Variants in SMOC2 observed in about 807,000 individuals in gnomAD.
SMOC2 encodes SPARC-related modular calcium-binding protein 2.
Under a neutral mutation model 61.4 loss-of-function variants are expected in SMOC2, and 39 were observed. The observed-to-expected ratio is 0.64, with a 90% confidence interval of 0.49 to 0.83. SMOC2 has a LOEUF of 0.83. SMOC2 is among the 40% of genes least tolerant of loss of function. The pLI, the probability that SMOC2 is intolerant of heterozygous loss-of-function variation, is 0.00. For synonymous variants in SMOC2, 247 were observed against 239.9 expected (o/e 1.03, Z -0.27); for missense variants, 556 against 592.9 (o/e 0.94, Z 0.65).
intron 9 of SMOC2, among the ~76,000 whole-genome samples, chr6:168,630,223 G>A (rs942807747): frequency 6.6e-6 from 1 of 152,202 alleles, no homozygotes; most frequent in Non-Finnish European, 1.5e-5. Context: ...AACAACAGAA[G>A]CCTGTCCTGT....
At chr6:168,541,020 C>T (rs747311312) in intron 4 of SMOC2, among the ~76,000 whole-genome samples, 4 of 152,220 alleles carry the variant, frequency 2.6e-5, no homozygotes, top group Non-Finnish European at 5.9e-5. Flanking sequence ...TCTGGTAACA[C>T]GTTGTTAAGG....
At chr6:168,497,466 G>A (rs1460020565) in intron 1 of SMOC2, among the ~76,000 whole-genome samples, 1 of 152,012 alleles carries the variant, frequency 6.6e-6, no homozygotes, top group Non-Finnish European at 1.5e-5. Flanking sequence ...GCATGTGGTG[G>A]TGAATGCGGA....
intron 1 of SMOC2, among the ~76,000 whole-genome samples, chr6:168,455,415 G>A (rs911030464): frequency 3.9e-5 from 6 of 152,218 alleles, no homozygotes; most frequent in Non-Finnish European, 7.3e-5. Flanking sequence ...ACGCTGGCTC[G>A]GCAGCCACCA....
At chr6:168,616,516 G>A (rs1007132214) in intron 9 of SMOC2, among the ~76,000 whole-genome samples, 1 of 152,202 alleles carries the variant, frequency 6.6e-6, no homozygotes, top group African/African-American at 2.4e-5. Context: ...TAGGGCTGGG[G>A]AGTCCCAGAT....
chr6:168,570,293 CAGTG>C (rs1255667131), intron 7 of SMOC2, among the ~76,000 whole-genome samples: 1 of 152,126 alleles, frequency 6.6e-6, no homozygotes, highest in African/African-American at 2.4e-5. Context: ...GCACAGAAGA[CAGTG>C]AGAAGATGTG....
chr6:168,588,031 G>C (rs1785082703), intron 7 of SMOC2, among the ~76,000 whole-genome samples: 1 of 151,584 alleles, frequency 6.6e-6, no homozygotes, highest in Non-Finnish European at 1.5e-5. Flanking sequence ...TGAGGGGTGG[G>C]GGTGATTCAT....
intron 9 of SMOC2, among the ~76,000 whole-genome samples, chr6:168,619,060 A>G (rs1030703893): frequency 2.0e-5 from 3 of 152,266 alleles, no homozygotes; most frequent in African/African-American, 7.2e-5. Flanking sequence ...AATGACCCTC[A>G]GCACGGATCG....
chr6:168,552,268 AAG>A (rs1395139009), intron 7 of SMOC2, among the ~76,000 whole-genome samples: 2 of 152,208 alleles, frequency 1.3e-5, no homozygotes, highest in African/African-American at 4.8e-5. Flanking sequence ...CAAATATCAG[AAG>A]AGTGTCATTT....
At chr6:168,619,716 G>A (rs1238782374) in intron 9 of SMOC2, among the ~76,000 whole-genome samples, 1 of 152,166 alleles carries the variant, frequency 6.6e-6, no homozygotes, top group Non-Finnish European at 1.5e-5. Context: ...AACCACCGTG[G>A]TACTCCTGAA....
chr6:168,624,833 A>T (rs1432028677), intron 9 of SMOC2, among the ~76,000 whole-genome samples: 1 of 142,814 alleles, frequency 7.0e-6, no homozygotes, highest in Non-Finnish European at 1.5e-5. Flanking sequence ...ATACAGAAAC[A>T]CACAGACACA....
chr6:168,650,550 A>C (rs759205890), intron 9 of SMOC2, 131 bp from the exon 10 acceptor site: 1 of 699,322 alleles, frequency 1.4e-6, no homozygotes, highest in Non-Finnish European at 2.4e-6. Flanking sequence ...TTTGTGTTTA[A>C]ACTAGCTCAT....
intron 4 of SMOC2, among the ~76,000 whole-genome samples, chr6:168,534,781 T>G (rs796598659): frequency 7.7e-4 from 118 of 152,292 alleles, no homozygotes; most frequent in African/African-American, 2.8e-3. Context: ...TCACATGAGT[T>G]GAGAACAGTA....
chr6:168,558,777 A>G (rs547950541), intron 7 of SMOC2, among the ~76,000 whole-genome samples: 1 of 150,968 alleles, frequency 6.6e-6, no homozygotes, highest in African/African-American at 2.4e-5. Context: ...GTGTGTGCAC[A>G]TGCGTATGTG....
chr6:168,525,901 A>C (rs913042228), intron 2 of SMOC2, among the ~76,000 whole-genome samples: 1 of 152,058 alleles, frequency 6.6e-6, no homozygotes, highest in African/African-American at 2.4e-5. Flanking sequence ...TAATGGTGGC[A>C]TCTAGCCCTG....
chr6:168,534,667 A>G (rs1379784091), intron 4 of SMOC2, among the ~76,000 whole-genome samples: 1 of 152,256 alleles, frequency 6.6e-6, no homozygotes, highest in Non-Finnish European at 1.5e-5. Context: ...TTTTAACCTC[A>G]GGAAAAAGTA....
chr6:168,527,719 G>A lies in SMOC2; in HGVS notation c.455G>A (p.Arg152Gln), dbSNP rs971425315. ...ACTGCCGTGGCCCACAAGACGCCCC[G>A]GTGCCCGGGTAGGTCTGACGTGCCT... ...SGTAVAHKTP[R>Q]CPGSVNEKLP... The change falls in exon 4 of 13, where the codon CGG becomes CAG. Residue 152 changes from arginine (R) to glutamine (Q), a missense_variant. By Grantham distance (43) the Arg-to-Gln change is conservative (BLOSUM62 1). Coordinates refer to ENST00000356284, the MANE Select transcript of SMOC2 (RefSeq NM_001166412.2). The A allele has an allele frequency of 7.7e-6, 12 of 1,550,526 alleles. No individual in the cohort carries two copies. Among genetic ancestry groups the A allele is most frequent in the East Asian group, 7.3e-5 (3 of 40,984 alleles).
chr6:168,559,091 C>T (rs866586882), intron 7 of SMOC2, among the ~76,000 whole-genome samples: 2 of 152,162 alleles, frequency 1.3e-5, no homozygotes, highest in African/African-American at 2.4e-5. Flanking sequence ...AAATTTGTGT[C>T]GTCGTGATTA....
chr6:168,571,852 C>T (rs1174280300), intron 7 of SMOC2, among the ~76,000 whole-genome samples: 13 of 138,982 alleles, frequency 9.4e-5, no homozygotes, highest in African/African-American at 2.9e-4. Context: ...TCCCTGAACG[C>T]GATGTTCATT....
intron 7 of SMOC2, among the ~76,000 whole-genome samples, chr6:168,597,310 G>C (rs116882200): frequency 0.015 from 2,304 of 152,292 alleles, 82 homozygotes; most frequent in Admixed American, 0.072. Context: ...AGAGTTGCTA[G>C]ATATGCTAAA....
Sources: gnomAD v4.1 joint callset for allele counts (sites outside exome capture counted in the v4.1 genomes callset) on GRCh38, gnomAD v4.1.1 for gene constraint, MANE v1.5 for transcripts, NCBI Gene and HGNC (gene_info 2026-07-23, HGNC 2026-07-21) for gene names.